Variants in LARP1 observed in about 807,000 individuals in gnomAD.
The protein encoded by LARP1 is La ribonucleoprotein 1, translational regulator.
Under a neutral mutation model 122.7 loss-of-function variants are expected in LARP1, and 36 were observed. That is an observed-to-expected ratio of 0.29 (90% CI 0.22 to 0.39). LARP1 has a LOEUF of 0.39. Ranked by LOEUF, LARP1 falls within the 10% of genes least tolerant of loss-of-function variation. The probability of loss-of-function intolerance (pLI) is 1.00; values close to 1 mark genes in which losing one functional copy is unlikely to be tolerated. For synonymous variants in LARP1, 539 were observed against 528.7 expected, an observed-to-expected ratio of 1.02 and a Z score of -0.27; for missense variants, 1,040 against 1,403.6, an observed-to-expected ratio of 0.74 and a Z score of 4.14.
intron 1 of LARP1, among the ~76,000 whole-genome samples, chr5:154,736,316 G>T (rs989492163): frequency 6.6e-6 from 1 of 150,772 alleles, no homozygotes; most frequent in Non-Finnish European, 1.5e-5. Flanking sequence ...GGCTGGTCTC[G>T]AGTGCCTGAT....
At chr5:154,691,843 A>C (rs1754232631) in intron 1 of LARP1, among the ~76,000 whole-genome samples, 1 of 151,312 alleles carries the variant, frequency 6.6e-6, no homozygotes. Context: ...CTGCCTCAAA[A>C]AAGTGGCGCG....
intron 1 of LARP1, among the ~76,000 whole-genome samples, chr5:154,690,765 CG>C (rs11355499): frequency 0.76 from 115,370 of 152,108 alleles, 44,252 homozygotes; most frequent in African/African-American, 0.88. Flanking sequence ...ATGACCCGGG[CG>C]GGGGGGCTGT....
intron 1 of LARP1, among the ~76,000 whole-genome samples, chr5:154,695,733 C>T (rs140166213): frequency 1.6e-3 from 243 of 152,074 alleles, no homozygotes; most frequent in African/African-American, 5.5e-3. Flanking sequence ...AGTAGCCAGG[C>T]GTGGTGACGC....
Position 154,799,774 on chromosome 5 carries a change from G to C in LARP1, c.1546+15G>C, listed in dbSNP as rs765823031. 1.2e-6 allele frequency: 2 copies of C among 1,614,040 alleles called. No individual in the cohort carries two copies. Among genetic ancestry groups the C allele is most frequent in the South Asian group, 2.2e-5 (2 of 91,078 alleles). ...AAAGGAGACAGGTAGGTACCTGCTG[G>C]CATGAAGATTGCCCTTGTCCTCTGG... is the stretch of plus-strand genomic sequence containing the variant. On this transcript the variant is annotated intron_variant, in intron 9 of 18. Coordinates refer to ENST00000518297, the MANE Select transcript of LARP1 (RefSeq NM_033551.3).
chr5:154,803,662 C>G lies in LARP1; in HGVS notation c.2356C>G (p.Pro786Ala). The G allele has an allele frequency of 6.2e-7, 1 of 1,614,200 alleles. No individual in the cohort carries two copies. Among genetic ancestry groups the G allele is most frequent in the Non-Finnish European group, 8.5e-7 (1 of 1,180,040 alleles). Residue 786 changes from proline to alanine, a missense_variant, in exon 13 of 19, where the codon CCC (proline) becomes GCC (alanine). By Grantham distance (27) the Pro-to-Ala change is conservative (BLOSUM62 -1). Transcript: ENST00000518297. The surrounding 1 kb of genome is among the most constrained non-coding windows in gnomAD (Gnocchi z 4.4). ...CCGCAACACCAGGACCCCTCGCACT[C>G]CCCGGACACCACAGCTCAAAGACTC... The part of the protein sequence containing the change: ...NYRNTRTPRT[P>A]RTPQLKDSSQ...
chr5:154,730,526 G>A (rs1416792538), intron 1 of LARP1, among the ~76,000 whole-genome samples: 1 of 151,202 alleles, frequency 6.6e-6, no homozygotes, highest in Non-Finnish European at 1.5e-5. Context: ...AGGCTGGGGT[G>A]CAATGGCGCA....
At chr5:154,771,496 G>T (rs1259822614) in intron 1 of LARP1, among the ~76,000 whole-genome samples, 2 of 152,226 alleles carry the variant, frequency 1.3e-5, no homozygotes, top group Admixed American at 6.5e-5. Context: ...GCCCATGGCA[G>T]ACTGACTCCA....
intron 1 of LARP1, among the ~76,000 whole-genome samples, chr5:154,719,861 C>CAA (rs11291255): frequency 2.5e-5 from 3 of 122,130 alleles, no homozygotes; most frequent in Admixed American, 1.7e-4. Context: ...GACTCTGTCT[C>CAA]AAAAAAAAAA....
At chr5:154,701,753 C>T (rs1202403240) in intron 1 of LARP1, among the ~76,000 whole-genome samples, 1 of 151,800 alleles carries the variant, frequency 6.6e-6, no homozygotes, top group Non-Finnish European at 1.5e-5. Context: ...TCCTGAGTAG[C>T]TGGGATTATA....
In LARP1 at chr5:154,803,634, C is replaced by G. The variant is rs761253450; in HGVS notation, c.2328C>G (p.Asn776Lys). ...CAACCACTGTCCCAGAGTCACCAAACTACCGCAACACCAGGACCCCTCGCA... is the reference window on the plus strand; with the variant it reads ...CAACCACTGTCCCAGAGTCACCAAAGTACCGCAACACCAGGACCCCTCGCA... ...SLPTTVPESP[N>K]YRNTRTPRTP... The change falls in exon 13 of 19, where the codon AAC (asparagine) becomes AAG (lysine). Residue 776 changes from asparagine (N) to lysine (K), a missense_variant. This residue lies in a region of LARP1 where 362 missense variants were observed against 533.1 expected (regional missense o/e 0.68). Coordinates refer to ENST00000518297, the MANE Select transcript of LARP1 (RefSeq NM_033551.3). The surrounding 1 kb of genome is among the most constrained non-coding windows in gnomAD (Gnocchi z 4.4). 1.4e-5 allele frequency: 22 copies of G among 1,614,100 alleles called. No individual in the cohort carries two copies. Among genetic ancestry groups the G allele is most frequent in the Non-Finnish European group, 3.4e-6 (4 of 1,180,054 alleles).
chr5:154,744,616 A>ATTTTTTTTTT lies in LARP1; in HGVS notation c.205+31516_205+31525dup, dbSNP rs748853573. ...CAGGGGAAAGGGCATTGGATATGCA[A>ATTTTTTTTTT]TTTTTTTTTTTTTTTTTTTTTTTTT... On this transcript the variant is annotated intron_variant, in intron 1 of 18. Coordinates refer to the LARP1 transcript ENST00000336314. Among the ~76,000 whole-genome samples, 13 of 71,994 alleles carry ATTTTTTTTTT rather than the reference A, an allele frequency of 1.8e-4. 3 individuals are homozygous for ATTTTTTTTTT. Among genetic ancestry groups the ATTTTTTTTTT allele is most frequent in the Non-Finnish European group, 3.4e-4 (12 of 35,048 alleles). 47.2% of individuals were successfully genotyped at this position (71,994 alleles called of 152,430 possible).
chr5:154,731,299 G>A (rs1167755943), intron 1 of LARP1, among the ~76,000 whole-genome samples: 2 of 152,136 alleles, frequency 1.3e-5, no homozygotes, highest in Admixed American at 6.5e-5. Flanking sequence ...TTGACAATCT[G>A]TCTCTCCCAA....
chr5:154,723,830 GC>G (rs1561546109), intron 1 of LARP1, among the ~76,000 whole-genome samples: 1 of 151,402 alleles, frequency 6.6e-6, no homozygotes, highest in Non-Finnish European at 1.5e-5. Flanking sequence ...TGGACTTGTT[GC>G]GGAACAAGTG....
Position 154,811,229 on chromosome 5 carries a change from C to A in LARP1, c.2844-18C>A. 1 of 1,596,236 alleles carries A rather than the reference C, an allele frequency of 6.3e-7. No individual in the cohort carries two copies. Among genetic ancestry groups the A allele is most frequent in the Non-Finnish European group, 8.6e-7 (1 of 1,164,300 alleles). ...AGATGAAGAAACTGCCCTGATTTCACTGACTTGTGTTCTACAGATATGGTT... is the reference window on the plus strand; with the variant it reads ...AGATGAAGAAACTGCCCTGATTTCAATGACTTGTGTTCTACAGATATGGTT... On this transcript the variant is annotated intron_variant, in intron 16 of 18. Coordinates refer to ENST00000518297, the MANE Select transcript of LARP1 (RefSeq NM_033551.3).
At chr5:154,740,254 G>A (rs527704540) in intron 1 of LARP1, among the ~76,000 whole-genome samples, 1 of 152,016 alleles carries the variant, frequency 6.6e-6, no homozygotes, top group South Asian at 2.1e-4. Flanking sequence ...TTAGCCAGGC[G>A]TGGTGGCACA....
At position 154,759,704 on chromosome 5, in the gene LARP1, AT is replaced by A. The variant is rs1242443227; in HGVS notation, c.436+3517del. ...CCAACTTATGATGGTTCAATTTATG[AT>A]TTTTTGACTTTATGTTGTTGGGAAA... On this transcript the variant is annotated intron_variant, in intron 1 of 18. Transcript: ENST00000518297. Among the ~76,000 whole-genome samples the A allele has an allele frequency of 4.6e-5, 7 of 152,158 alleles. No individual in the cohort carries two copies. The East Asian group carries it at 1.4e-3, about 29-fold the overall frequency.
At chr5:154,787,816 G>C (rs1012067274) in intron 1 of LARP1, among the ~76,000 whole-genome samples, 1 of 150,916 alleles carries the variant, frequency 6.6e-6, no homozygotes, top group African/African-American at 2.4e-5. Flanking sequence ...TGCTCAGACT[G>C]TTTGTATTCT....
intron 1 of LARP1, among the ~76,000 whole-genome samples, chr5:154,758,585 C>G (rs547075921): frequency 1.3e-5 from 2 of 149,486 alleles, no homozygotes; most frequent in Non-Finnish European, 2.9e-5. Context: ...CTTTTCCAGC[C>G]CTGGTTTTAT....
chr5:154,753,723 C>A (rs1310181776), upstream of LARP1, among the ~76,000 whole-genome samples: 3 of 152,212 alleles, frequency 2.0e-5, no homozygotes, highest in Non-Finnish European at 4.4e-5. Flanking sequence ...GTGCGGCTAG[C>A]TGGCCAAGGC....
Sources: gnomAD v4.1 joint callset for allele counts (sites outside exome capture counted in the v4.1 genomes callset) on GRCh38, gnomAD v4.1.1 for gene constraint, gnomAD v4.1.1 regional missense constraint, Gnocchi (gnomAD v3.1) non-coding constraint, MANE v1.5 for transcripts, NCBI Gene and HGNC (gene_info 2026-07-23, HGNC 2026-07-21) for gene names.